Variants in NAA16 observed in about 807,000 individuals in gnomAD.
NAA16 encodes the protein N-alpha-acetyltransferase 16, NatA auxiliary subunit.
In NAA16, 97 loss-of-function variants were observed where a neutral mutation model predicts 110.3. That is an observed-to-expected ratio of 0.88 (90% CI 0.75 to 1.04). The LOEUF is 1.04. NAA16 is among the 50% of genes least tolerant of loss of function. NAA16 has a pLI of 0.00. For missense variants in NAA16, 1,017 were observed against 1,005.1 expected (o/e 1.01, Z -0.16); for synonymous variants, 372 against 330.6 (o/e 1.13, Z -1.36).
At chr13:41,332,120 A>G (rs1451357701) in intron 8 of NAA16, among the ~76,000 whole-genome samples, 3 of 152,210 alleles carry the variant, frequency 2.0e-5, no homozygotes, top group Middle Eastern at 3.4e-3. Context: ...GCTGGAGTGC[A>G]GTGGCGCAAT....
chr13:41,362,104 A>T lies in NAA16; in HGVS notation c.1484A>T (p.Tyr495Phe). 2 of 1,610,234 alleles carry T rather than the reference A, an allele frequency of 1.2e-6. No individual in the cohort carries two copies. The highest frequency in any genetic ancestry group is 1.1e-5 in the South Asian group (1 of 90,148). Reference protein sequence around the residue: ...MWFQTECISAYQRLGRYGDAL... With the variant: ...MWFQTECISAFQRLGRYGDAL... Reference sequence around the variant, plus strand: ...TTTCAGACAGAATGCATTTCAGCTTATCAGCGTCTGGGGAGATACGGGGAT... The same window carrying T: ...TTTCAGACAGAATGCATTTCAGCTTTTCAGCGTCTGGGGAGATACGGGGAT... The change falls in exon 13 of 20, where the codon TAT becomes TTT. Residue 495 changes from tyrosine to phenylalanine, a missense_variant. Physicochemically the swap from Tyr to Phe is conservative, Grantham distance 22. Coordinates refer to ENST00000379406, the MANE Select transcript of NAA16 (RefSeq NM_024561.5).
chr13:41,341,536 C>T (rs1458259015), intron 9 of NAA16, among the ~76,000 whole-genome samples: 1 of 152,002 alleles, frequency 6.6e-6, no homozygotes, highest in Non-Finnish European at 1.5e-5. Flanking sequence ...GGCAACATAA[C>T]AGGACTCCGT....
At chr13:41,316,990 A>C in intron 2 of NAA16, 60 bp downstream of exon 2, 1 of 1,153,664 alleles carries the variant, frequency 8.7e-7, no homozygotes, top group Non-Finnish European at 1.3e-6. Context: ...AGGCATTAAC[A>C]GTGAAAGAAG....
At chr13:41,352,071 G>A (rs1410187409) in intron 9 of NAA16, among the ~76,000 whole-genome samples, 1 of 152,338 alleles carries the variant, frequency 6.6e-6, no homozygotes, top group South Asian at 2.1e-4. Context: ...GCCAGGGCTG[G>A]TGGCTCATGC....
chr13:41,355,328 G>A (rs1467357176), intron 10 of NAA16, 112 bp downstream of exon 10: 4 of 613,170 alleles, frequency 6.5e-6, no homozygotes, highest in Non-Finnish European at 1.1e-5. Flanking sequence ...CTTAATAAAT[G>A]GCTTTCAAAT....
chr13:41,321,246 A>G (rs1359706891), intron 4 of NAA16, among the ~76,000 whole-genome samples: 2 of 152,170 alleles, frequency 1.3e-5, no homozygotes, highest in African/African-American at 4.8e-5. Flanking sequence ...GCAGTGAGCC[A>G]TGATTATGCT....
intron 19 of NAA16, 60 bp downstream of exon 19, chr13:41,374,899 T>C: frequency 2.0e-6 from 2 of 1,014,570 alleles, no homozygotes; most frequent in South Asian, 2.9e-5. Context: ...AACGTGTCTT[T>C]ACAGCATAAT....
chr13:41,349,306 C>T (rs1260028156), intron 9 of NAA16, among the ~76,000 whole-genome samples: 1 of 152,028 alleles, frequency 6.6e-6, no homozygotes, highest in African/African-American at 2.4e-5. Context: ...CTACCTCAGC[C>T]TCCCAAGTAG....
intron 1 of NAA16, among the ~76,000 whole-genome samples, chr13:41,316,521 T>G (rs2041815536): frequency 6.6e-6 from 1 of 152,060 alleles, no homozygotes; most frequent in African/African-American, 2.4e-5. Flanking sequence ...GCCAGGTTGG[T>G]CTCGAACTCC....
At chr13:41,344,622 T>A (rs1031947696) in intron 9 of NAA16, among the ~76,000 whole-genome samples, 2 of 152,204 alleles carry the variant, frequency 1.3e-5, no homozygotes, top group African/African-American at 2.4e-5. Flanking sequence ...TTGGGCTAGA[T>A]AATTCTTTGT....
chr13:41,316,833 T>A lies in NAA16; in HGVS notation c.55-13T>A. 6.3e-7 allele frequency: 1 copy of A among 1,582,700 alleles called. No individual in the cohort carries two copies. Among genetic ancestry groups the A allele is most frequent in the South Asian group, 1.1e-5 (1 of 90,508 alleles). The stretch of plus-strand genomic sequence containing the variant: ...CATTTGATAAAATAACTTTTGTTCA[T>A]ATTTCTTTACAGAAATGTTATGAAC... On this transcript the variant is annotated splice_polypyrimidine_tract_variant and intron_variant, in intron 1 of 19. Transcript: ENST00000379406.
Position 41,376,399 on chromosome 13 carries a change from A to G in NAA16, c.*797A>G, listed in dbSNP as rs2043427315. On this transcript the variant is annotated 3_prime_UTR_variant, in exon 20 of 20. Coordinates refer to ENST00000379406, the MANE Select transcript of NAA16 (RefSeq NM_024561.5). Reference sequence around the variant, plus strand: ...ACTATTTCCTTTTAGTATTCATGAAAATGGTATTTTCTGGTTGAATAAGGG... The same window carrying G: ...ACTATTTCCTTTTAGTATTCATGAAGATGGTATTTTCTGGTTGAATAAGGG... The G allele has an allele frequency of 1.3e-5, 2 of 152,220 alleles. No homozygotes were observed. Among genetic ancestry groups the G allele is most frequent in the African/African-American group, 4.8e-5 (2 of 41,452 alleles). 9.4% of individuals were successfully genotyped at this position (152,220 alleles called of 1,614,324 possible).
intron 12 of NAA16, among the ~76,000 whole-genome samples, 200 bp downstream of exon 12, chr13:41,359,162 G>T (rs1017337759): frequency 3.3e-5 from 5 of 151,992 alleles, no homozygotes; most frequent in East Asian, 3.8e-4. Flanking sequence ...TATGTTTCTG[G>T]CAGGGGATGG....
intron 1 of NAA16, among the ~76,000 whole-genome samples, chr13:41,316,368 G>A (rs1210975577): frequency 1.3e-5 from 2 of 148,148 alleles, no homozygotes; most frequent in South Asian, 2.1e-4. Context: ...GTGCAGTGGT[G>A]TGATCTCTGC....
chr13:41,334,976 C>G (rs2042340344), intron 8 of NAA16, among the ~76,000 whole-genome samples: 1 of 152,172 alleles, frequency 6.6e-6, no homozygotes, highest in Non-Finnish European at 1.5e-5. Context: ...CCTGGGTTTT[C>G]TTTTCACTTA....
intron 2 of NAA16, among the ~76,000 whole-genome samples, chr13:41,317,147 T>A (rs2139367854): frequency 6.6e-6 from 1 of 152,298 alleles, no homozygotes; most frequent in South Asian, 2.1e-4. Flanking sequence ...ATGGTTCGTT[T>A]ATCTATTGGG....
intron 13 of NAA16, among the ~76,000 whole-genome samples, chr13:41,364,214 A>C (rs140022609): frequency 3.2e-4 from 48 of 152,252 alleles, no homozygotes; most frequent in African/African-American, 1.1e-3. Flanking sequence ...ATAGAAGGTT[A>C]GTGAATTGCG....
intron 7 of NAA16, 74 bp from the exon 8 acceptor site, chr13:41,331,200 T>C (rs1479357312): frequency 3.4e-6 from 3 of 872,936 alleles, no homozygotes; most frequent in South Asian, 1.8e-5. Flanking sequence ...AACAAAATTT[T>C]AGAAGTTTGT....
intron 9 of NAA16, among the ~76,000 whole-genome samples, chr13:41,350,607 G>GTTTTT (rs1294602444): frequency 4.6e-4 from 12 of 26,026 alleles, no homozygotes; most frequent in Admixed American, 1.4e-3. Flanking sequence ...GTTTTTTTTT[G>GTTTTT]TTTTTTTTTT....
Sources: allele counts gnomAD v4.1 joint callset (sites outside exome capture counted in the v4.1 genomes callset), GRCh38; gene constraint gnomAD v4.1.1; transcripts MANE v1.5; gene names NCBI Gene and HGNC (gene_info 2026-07-23, HGNC 2026-07-21).